Variants in SYTL5 observed in about 807,000 individuals in gnomAD.
SYTL5 encodes the protein synaptotagmin like 5, also known as synaptotagmin-like protein 5.
SYTL5 carries 34 observed loss-of-function variants against 55.9 expected under a neutral mutation model. The observed-to-expected ratio is 0.61, with a 90% CI of 0.46 to 0.81. The LOEUF (loss-of-function observed/expected upper bound fraction) is 0.81, where lower values mean the gene tolerates loss of function less well. SYTL5 is among the 30% of genes least tolerant of loss of function. The probability of loss-of-function intolerance (pLI) is 0.00; values close to 1 mark genes in which losing one functional copy is unlikely to be tolerated. For missense variants in SYTL5, 637 were observed against 546.7 expected (o/e 1.17, Z -1.65); for synonymous variants, 221 against 188.7 (o/e 1.17, Z -1.40).
chrX:38,061,022 T>A (rs4827084), intron 3 of SYTL5, among the ~76,000 whole-genome samples: 32,358 of 110,880 alleles, frequency 0.29, 4,009 homozygotes, highest in African/African-American at 0.44. Flanking sequence ...TAAAAAATGG[T>A]CTATCTTCAA....
At chrX:37,938,714 T>C in the SYTL5 span, among the ~76,000 whole-genome samples, 2 of 111,388 alleles carry the variant, frequency 1.8e-5, no homozygotes, top group South Asian at 3.8e-4. Context: ...TCCTATCCCA[T>C]TGTAATGCCA....
rs746493096 is a variant in SYTL5 at position 38,110,512 on chromosome X, T to C, written c.1596+30T>C. The C allele has an allele frequency of 7.3e-6, 8 of 1,092,258 alleles. No homozygotes were observed. In the African/African-American group the frequency reaches 1.3e-4, roughly 18 times the overall value. The allele number at this position is 1,092,258 out of a possible 1,213,427, so 90.0% of individuals were successfully genotyped here. ...GAAATGCTCTCAGATTAGTCAGTTATGCAATGAGACAAGTTATGAGCGAAA... is the reference window on the plus strand; with the variant it reads ...GAAATGCTCTCAGATTAGTCAGTTACGCAATGAGACAAGTTATGAGCGAAA... On this transcript the variant is annotated intron_variant, in intron 13 of 16. Coordinates refer to ENST00000297875, the MANE Select transcript of SYTL5 (RefSeq NM_138780.3).
the SYTL5 span, among the ~76,000 whole-genome samples, chrX:37,933,698 A>G: frequency 8.9e-6 from 1 of 112,164 alleles, no homozygotes; most frequent in African/African-American, 3.2e-5. Flanking sequence ...GAATAACTGG[A>G]AAATGAAATG....
chrX:38,069,838 G>A (rs1042333804), intron 3 of SYTL5, among the ~76,000 whole-genome samples: 2 of 111,898 alleles, frequency 1.8e-5, no homozygotes, highest in Non-Finnish European at 3.8e-5. Flanking sequence ...TTGTCACCTG[G>A]ATTTCCAACA....
chrX:38,035,169 C>G (rs1043581396), intron 2 of SYTL5, among the ~76,000 whole-genome samples: 3 of 112,034 alleles, frequency 2.7e-5, no homozygotes, highest in African/African-American at 9.7e-5. Flanking sequence ...ACAAAAGTTT[C>G]GATGAAAATT....
chrX:37,930,851 T>A, the SYTL5 span, among the ~76,000 whole-genome samples: 1 of 111,915 alleles, frequency 8.9e-6, no homozygotes, highest in East Asian at 2.8e-4. Context: ...GTGTCCCTCA[T>A]CCTCCAGCAG....
chrX:37,949,332 G>T, the SYTL5 span: 1 of 111,889 alleles, frequency 8.9e-6, no homozygotes, highest in Non-Finnish European at 1.9e-5. Context: ...TGCTAAGGAT[G>T]GTCAAACATA....
At chrX:37,990,722 C>A in the SYTL5 span, 1 of 1,042,127 alleles carries the variant, frequency 9.6e-7, no homozygotes, top group South Asian at 2.5e-5. Flanking sequence ...AGCTCCCTGA[C>A]CAATAAGGGC....
At chrX:38,082,388 TC>T (rs1386356500) in intron 6 of SYTL5, among the ~76,000 whole-genome samples, 1 of 112,438 alleles carries the variant, frequency 8.9e-6, no homozygotes, top group Non-Finnish European at 1.9e-5. Flanking sequence ...AGATAGCCTT[TC>T]TTCTTCTACA....
rs758610099 is a variant in SYTL5, at chrX:38,013,298, C to T, written c.-357+6630C>T. On this transcript the variant is annotated intron_variant, in intron 1 of 16. Transcript: ENST00000297875. Reference sequence around the variant, plus strand: ...TTGTGAATAATAGTCATATGTATGGCTTTATACTTAAGCACAATAGGATAT... The same window carrying T: ...TTGTGAATAATAGTCATATGTATGGTTTTATACTTAAGCACAATAGGATAT... 2.7e-5 allele frequency among the ~76,000 whole-genome samples: 3 copies of T among 112,165 alleles called. No homozygotes were observed. In the Admixed American group the frequency reaches 2.8e-4, roughly 11 times the overall value.
At chrX:38,105,390 A>C (rs1344309726) in intron 10 of SYTL5, among the ~76,000 whole-genome samples, 2 of 113,010 alleles carry the variant, frequency 1.8e-5, no homozygotes, top group African/African-American at 6.4e-5. Flanking sequence ...GGGAGACATA[A>C]GACATCAATC....
chrX:38,066,099 CA>C (rs754578735), intron 3 of SYTL5, among the ~76,000 whole-genome samples: 21 of 105,572 alleles, frequency 2.0e-4, no homozygotes, highest in Non-Finnish European at 3.3e-4. Context: ...GATTCTGTCT[CA>C]AAAAAAAATG....
In SYTL5 at chrX:38,128,281, G is replaced by A. The variant is rs1043292156; in HGVS notation, c.*1551G>A. The stretch of plus-strand genomic sequence containing the variant: ...AATCCAGACTATCAATCTTAGGCCA[G>A]TGTTCTTTTTTCAATATAGTCCTTG... On this transcript the variant is annotated 3_prime_UTR_variant, in exon 17 of 17. Transcript: ENST00000297875. 2 of 111,920 alleles carry A rather than the reference G, an allele frequency of 1.8e-5. No homozygotes were observed. The highest frequency in any genetic ancestry group is 9.5e-5 in the Admixed American group (1 of 10,535). 9.2% of individuals were successfully genotyped at this position (111,920 alleles called of 1,213,427 possible).
chrX:38,126,868 AG>A lies in SYTL5; in HGVS notation c.*139del, dbSNP rs1362406048. On this transcript the variant is annotated 3_prime_UTR_variant, in exon 17 of 17. Coordinates refer to ENST00000297875, the MANE Select transcript of SYTL5 (RefSeq NM_138780.3). ...GTTGGGACATGAGGGGAGAGATGTC[AG>A]TAGTATGAACATTTAGGGTCTTGCT... is the stretch of plus-strand genomic sequence containing the variant. 2.9e-5 allele frequency: 18 copies of A among 612,005 alleles called. No homozygotes were observed. Among genetic ancestry groups the A allele is most frequent in the Non-Finnish European group, 3.9e-5 (16 of 410,314 alleles). The allele number at this position is 612,005 out of a possible 1,213,427, so 50.4% of individuals were successfully genotyped here.
chrX:38,083,779 T>A, intron 6 of SYTL5, among the ~76,000 whole-genome samples: 1 of 51,497 alleles, frequency 1.9e-5, no homozygotes, highest in South Asian at 1.3e-3. Context: ...GACTCATGTG[T>A]GTGTGTGTGT....
chrX:37,999,874 G>A, the SYTL5 span, among the ~76,000 whole-genome samples: 4 of 111,954 alleles, frequency 3.6e-5, no homozygotes, highest in Non-Finnish European at 7.5e-5. Flanking sequence ...AGGGATGAGA[G>A]CTGGTCATCC....
chrX:38,016,107 A>G (rs1175756421), intron 1 of SYTL5, among the ~76,000 whole-genome samples: 3 of 111,592 alleles, frequency 2.7e-5, no homozygotes, highest in South Asian at 3.8e-4. Context: ...CTAAAATTCC[A>G]TTCTTCTCTT....
intron 2 of SYTL5, among the ~76,000 whole-genome samples, chrX:38,040,032 G>A (rs1444612106): frequency 9.1e-6 from 1 of 110,090 alleles, no homozygotes; most frequent in African/African-American, 3.3e-5. Context: ...AAAATTACCC[G>A]GGCGTGGTGG....
chrX:38,100,452 T>C (rs1937053412), intron 9 of SYTL5, among the ~76,000 whole-genome samples: 1 of 111,524 alleles, frequency 9.0e-6, no homozygotes, highest in South Asian at 3.7e-4. Context: ...TGACGTTAAG[T>C]GACAACTTAC....
Sources: allele counts gnomAD v4.1 joint callset (sites outside exome capture counted in the v4.1 genomes callset), GRCh38; gene constraint gnomAD v4.1.1; transcripts MANE v1.5; gene names NCBI Gene and HGNC (gene_info 2026-07-23, HGNC 2026-07-21).